Variants in SOX6 observed in about 807,000 individuals in gnomAD.
The protein encoded by SOX6 is SRY-box transcription factor 6, also known as transcription factor SOX-6.
SOX6 carries 11 observed loss-of-function variants against 97.8 expected under a neutral mutation model. That is an observed-to-expected ratio of 0.11 (90% CI 0.07 to 0.19). The LOEUF is 0.19. Ranked by LOEUF, SOX6 falls within the 10% of genes least tolerant of loss-of-function variation. The probability of loss-of-function intolerance (pLI) is 1.00; values close to 1 mark genes in which losing one functional copy is unlikely to be tolerated. For missense variants in SOX6, 810 were observed against 1,039.5 expected (o/e 0.78, Z 3.04); for synonymous variants, 360 against 371.4 (o/e 0.97, Z 0.35).
At chr11:16,078,564 T>G (rs1848406655) in intron 9 of SOX6, among the ~76,000 whole-genome samples, 2 of 152,196 alleles carry the variant, frequency 1.3e-5, no homozygotes, top group Non-Finnish European at 2.9e-5. Flanking sequence ...ATTGAGTTGC[T>G]ACTATGGGCC....
At chr11:16,427,694 G>A (rs1590199468) in intron 1 of SOX6, among the ~76,000 whole-genome samples, 2 of 152,190 alleles carry the variant, frequency 1.3e-5, no homozygotes, top group African/African-American at 2.4e-5. Context: ...ATTCCATGGT[G>A]TATATGTGCC....
chr11:16,495,557 C>A (rs923006015), intron 4 of SOX6, among the ~76,000 whole-genome samples: 1 of 152,190 alleles, frequency 6.6e-6, no homozygotes, highest in Non-Finnish European at 1.5e-5. Context: ...CTGGCACCCA[C>A]CCCCATGTGC....
At chr11:16,720,332 G>A (rs1263252203) in intron 2 of SOX6, among the ~76,000 whole-genome samples, 1 of 140,918 alleles carries the variant, frequency 7.1e-6, no homozygotes, top group Non-Finnish European at 1.5e-5. Context: ...AGAAAATGTG[G>A]CACATATACA....
At chr11:16,729,104 ATG>A (rs1848329325) in intron 2 of SOX6, among the ~76,000 whole-genome samples, 1 of 152,238 alleles carries the variant, frequency 6.6e-6, no homozygotes, top group African/African-American at 2.4e-5. Context: ...CCTACATTTG[ATG>A]GGTGTACCTG....
At chr11:16,504,496 C>CA (rs1015548320) in intron 4 of SOX6, among the ~76,000 whole-genome samples, 9 of 148,816 alleles carry the variant, frequency 6.0e-5, no homozygotes, top group Admixed American at 2.7e-4. Flanking sequence ...ACAATAGCTA[C>CA]AAAAAAAAAC....
chr11:16,727,707 C>T (rs567942217), intron 2 of SOX6, among the ~76,000 whole-genome samples: 69 of 151,900 alleles, frequency 4.5e-4, no homozygotes, highest in Non-Finnish European at 7.8e-4. Context: ...CAAAATGCTA[C>T]GATTACAGGC....
intron 13 of SOX6, among the ~76,000 whole-genome samples, chr11:15,999,270 T>A (rs1386592325): frequency 6.6e-6 from 1 of 152,156 alleles, no homozygotes; most frequent in Non-Finnish European, 1.5e-5. Flanking sequence ...ATACTGTAAC[T>A]CTAATATACT....
chr11:16,274,959 A>G (rs1413467877), intron 3 of SOX6, among the ~76,000 whole-genome samples: 1 of 152,140 alleles, frequency 6.6e-6, no homozygotes, highest in Non-Finnish European at 1.5e-5. Flanking sequence ...AAATTTCCCT[A>G]TTACTTCAGA....
At chr11:16,179,323 G>A (rs1176100311) in intron 6 of SOX6, among the ~76,000 whole-genome samples, 4 of 151,788 alleles carry the variant, frequency 2.6e-5, no homozygotes, top group Non-Finnish European at 5.9e-5. Flanking sequence ...GCTCTACCAC[G>A]TGGGAAACAT....
chr11:16,483,465 A>T (rs948467345), intron 4 of SOX6, among the ~76,000 whole-genome samples: 29 of 152,182 alleles, frequency 1.9e-4, no homozygotes, highest in African/African-American at 7.0e-4. Context: ...TTAACCTGGT[A>T]GATTTTGCTT....
chr11:16,059,171 G>A (rs1312179423), intron 9 of SOX6, among the ~76,000 whole-genome samples: 3 of 151,828 alleles, frequency 2.0e-5, no homozygotes, highest in African/African-American at 7.3e-5. Flanking sequence ...TCTACTTGAA[G>A]GTTTACACCT....
At chr11:16,360,520 T>C (rs1857185581), upstream of SOX6, among the ~76,000 whole-genome samples, 1 of 152,160 alleles carries the variant, frequency 6.6e-6, no homozygotes, top group Non-Finnish European at 1.5e-5. Context: ...CCCAGTCAAC[T>C]CCATAGTGCC....
At chr11:16,707,234 C>T (rs1848144602) in intron 3 of SOX6, among the ~76,000 whole-genome samples, 1 of 151,868 alleles carries the variant, frequency 6.6e-6, no homozygotes, top group Admixed American at 6.6e-5. Context: ...TCTCTTTCAG[C>T]CTTAAGAAAT....
At chr11:16,606,672 GCAGA>G (rs1338993906) in intron 4 of SOX6, among the ~76,000 whole-genome samples, 3 of 152,198 alleles carry the variant, frequency 2.0e-5, no homozygotes, top group African/African-American at 7.2e-5. Context: ...GGCCGAGAGG[GCAGA>G]CAGATTTCCG....
At position 16,610,871 on chromosome 11, in the gene SOX6, G is replaced by A. The variant is rs555825437; in HGVS notation, n.609+1210C>T. 6.6e-6 allele frequency among the ~76,000 whole-genome samples: 1 copy of A among 152,196 alleles called. No homozygotes were observed. The highest frequency in any genetic ancestry group is 1.5e-5 in the Non-Finnish European group (1 of 68,038). ...CTGGTGCGCACCGGCCTGCGGGCTC[G>A]GAGAAGTTCCCGGAGGAGCAGAGGG... is the stretch of plus-strand genomic sequence containing the variant. On this transcript the variant is annotated intron_variant and non_coding_transcript_variant, in intron 4 of 5. Transcript: ENST00000524520. This position sits in a 1 kb window ranked among gnomAD's most constrained non-coding sequence, Gnocchi z 4.4.
intron 6 of SOX6, 127 bp from the exon 7 acceptor site, chr11:16,112,050 G>T: frequency 8.5e-7 from 1 of 1,178,450 alleles, no homozygotes; most frequent in Non-Finnish European, 1.2e-6. Context: ...TTCCAAATCT[G>T]CAATCTGAGA....
rs529660197 is a variant in SOX6 at position 16,356,380 on chromosome 11, A to C, written c.-291T>G. ...TAAAAACATAAAAGTAAATGAAAGA[A>C]GTGAAATCTCTTGGCCTGTTGGGAG... On this transcript the variant is annotated 5_prime_UTR_variant, in exon 1 of 16. Transcript: ENST00000683767. Among the ~76,000 whole-genome samples the C allele has an allele frequency of 6.6e-6, 1 of 152,264 alleles. No homozygotes were observed. The highest frequency in any genetic ancestry group is 2.1e-4 in the South Asian group (1 of 4,830).
intron 4 of SOX6, among the ~76,000 whole-genome samples, chr11:16,525,641 TTAAAC>T (rs1470599984): frequency 6.6e-6 from 1 of 151,616 alleles, no homozygotes; most frequent in East Asian, 1.9e-4. Flanking sequence ...TGGGATCTAA[TTAAAC>T]TAAAGAGCTT....
chr11:16,653,529 C>G (rs1847682480), intron 3 of SOX6, among the ~76,000 whole-genome samples: 1 of 152,104 alleles, frequency 6.6e-6, no homozygotes, highest in Admixed American at 6.5e-5. Context: ...GAATGGAAAA[C>G]CAAACATCGT....
Sources: gnomAD v4.1 joint callset for allele counts (sites outside exome capture counted in the v4.1 genomes callset) on GRCh38, gnomAD v4.1.1 for gene constraint, Gnocchi (gnomAD v3.1) non-coding constraint, MANE v1.5 for transcripts, NCBI Gene and HGNC (gene_info 2026-07-23, HGNC 2026-07-21) for gene names.